The following DSE variants were observed in gnomAD, a reference collection of about 807,000 sequenced individuals.
DSE encodes dermatan sulfate epimerase.
Under a neutral mutation model 84.4 loss-of-function variants are expected in DSE, and 36 were observed. The observed-to-expected ratio is 0.43, with a 90% CI of 0.33 to 0.56. The LOEUF (loss-of-function observed/expected upper bound fraction) is 0.56. DSE is among the 20% of genes least tolerant of loss of function. The pLI, the probability that DSE is intolerant of heterozygous loss-of-function variation, is 0.06. For missense variants in DSE, 862 were observed against 1,169.6 expected (o/e 0.74, Z 3.84); for synonymous variants, 410 against 430.1 (o/e 0.95, Z 0.58).
chr6:116,393,516 A>G (rs1195426687), intron 1 of DSE, among the ~76,000 whole-genome samples: 3 of 152,182 alleles, frequency 2.0e-5, no homozygotes, highest in Non-Finnish European at 4.4e-5. Context: ...CTTTTTATAA[A>G]TATTATTGAG....
chr6:116,431,344 C>G, intron 4 of DSE, 151 bp downstream of exon 4: 3 of 1,141,350 alleles, frequency 2.6e-6, no homozygotes, highest in Non-Finnish European at 3.6e-6. Flanking sequence ...AAATTGAATT[C>G]AAGAGTTGCA....
intron 2 of DSE, among the ~76,000 whole-genome samples, chr6:116,342,685 A>G (rs1382430810): frequency 6.6e-6 from 1 of 152,242 alleles, no homozygotes; most frequent in African/African-American, 2.4e-5. Context: ...ATATACATAC[A>G]GGAGAGGTTC....
chr6:116,359,667 T>A (rs1028503500), intron 2 of DSE, among the ~76,000 whole-genome samples: 5 of 152,210 alleles, frequency 3.3e-5, no homozygotes, highest in African/African-American at 9.6e-5. Flanking sequence ...AAAACTGTAA[T>A]ACAGATCATT....
rs993836297 is a variant in DSE, at chr6:116,439,592, G to A, written c.*2247G>A. The A allele has an allele frequency of 2.0e-5, 3 of 151,780 alleles. No individual in the cohort carries two copies. Among genetic ancestry groups the A allele is most frequent in the Non-Finnish European group, 4.4e-5 (3 of 67,958 alleles). The allele number at this position is 151,780 out of a possible 1,614,324, so 9.4% of individuals were successfully genotyped here. On this transcript the variant is annotated 3_prime_UTR_variant, in exon 6 of 6. Transcript: ENST00000644252. ...TTAATCAGGGATAGTGCATATTTGA[G>A]TAAAACTAGGGAACTTTTTGTAACT...
At chr6:116,349,599 C>G (rs144345709) in intron 2 of DSE, among the ~76,000 whole-genome samples, 47 of 152,326 alleles carry the variant, frequency 3.1e-4, no homozygotes, top group Middle Eastern at 3.4e-3. Flanking sequence ...CCTCAGAGAT[C>G]AGCACTTTTA....
intron 2 of DSE, among the ~76,000 whole-genome samples, chr6:116,346,049 C>A (rs1777942922): frequency 6.6e-6 from 1 of 152,164 alleles, no homozygotes; most frequent in African/African-American, 2.4e-5. Flanking sequence ...GACACATACA[C>A]CCTCCCAAGA....
chr6:116,263,366 CTT>C (rs200486501), intron 2 of DSE, among the ~76,000 whole-genome samples: 29 of 147,742 alleles, frequency 2.0e-4, no homozygotes, highest in East Asian at 9.8e-4. Context: ...CCTTCTTTGT[CTT>C]TTTTTTTTTT....
chr6:116,353,972 A>T (rs1210876958), intron 2 of DSE, among the ~76,000 whole-genome samples: 3 of 152,244 alleles, frequency 2.0e-5, no homozygotes, highest in Non-Finnish European at 4.4e-5. Context: ...CAGTCTTCAG[A>T]TACTGAATTA....
Position 116,440,059 on chromosome 6 carries a change from C to G in DSE, c.*2714C>G, listed in dbSNP as rs916827135. On this transcript the variant is annotated 3_prime_UTR_variant, in exon 6 of 6. Coordinates refer to ENST00000644252, the MANE Select transcript of DSE (RefSeq NM_013352.4). ...ACCCAGAATTTTCAGAGAGAACATT[C>G]TTTTGACAACATTGTTTTAATCGTC... 2.6e-5 allele frequency: 4 copies of G among 151,648 alleles called. No individual in the cohort carries two copies. Among genetic ancestry groups the G allele is most frequent in the African/African-American group, 9.7e-5 (4 of 41,226 alleles). The allele number at this position is 151,648 out of a possible 1,614,324, so 9.4% of individuals were successfully genotyped here. A position where few individuals can be genotyped will look rare whatever the true frequency, so the allele number is the denominator to read the frequency against.
In DSE at chr6:116,399,244, T is replaced by A; in HGVS notation, c.-7T>A. The A allele has an allele frequency of 6.2e-7, 1 of 1,613,644 alleles. No individual in the cohort carries two copies. Among genetic ancestry groups the A allele is most frequent in the Non-Finnish European group, 8.5e-7 (1 of 1,180,032 alleles). ...CTGCCTTGGAGATTTGGAGATCTGA[T>A]GCCACGATGAGGACTCACACACGGG... On this transcript the variant is annotated 5_prime_UTR_variant, in exon 2 of 6. The change abolishes an upstream ATG in the 5' untranslated region. Coordinates refer to ENST00000644252, the MANE Select transcript of DSE (RefSeq NM_013352.4).
chr6:116,296,945 T>A (rs547690895), intron 2 of DSE, among the ~76,000 whole-genome samples: 1 of 152,018 alleles, frequency 6.6e-6, no homozygotes, highest in Non-Finnish European at 1.5e-5. Context: ...TTGTGGGGAT[T>A]GGGTAGGGAG....
At chr6:116,383,068 C>T (rs1780342257) in intron 1 of DSE, among the ~76,000 whole-genome samples, 1 of 152,032 alleles carries the variant, frequency 6.6e-6, no homozygotes, top group Non-Finnish European at 1.5e-5. Context: ...CATGGGAGAG[C>T]ACAACTGGAG....
intron 2 of DSE, chr6:116,288,005 C>T (rs977476542): frequency 6.6e-6 from 1 of 152,046 alleles, no homozygotes; most frequent in African/African-American, 2.4e-5. Context: ...TCCCACTAAG[C>T]TGTAATTGTT....
At chr6:116,311,584 G>C (rs907246004) in intron 2 of DSE, among the ~76,000 whole-genome samples, 8 of 152,124 alleles carry the variant, frequency 5.3e-5, no homozygotes, top group Non-Finnish European at 2.9e-5. Flanking sequence ...AGAATAAAAT[G>C]CACCAATAAA....
At chr6:116,344,055 A>T (rs1395151126) in intron 2 of DSE, among the ~76,000 whole-genome samples, 1 of 152,200 alleles carries the variant, frequency 6.6e-6, no homozygotes, top group Non-Finnish European at 1.5e-5. Flanking sequence ...AGATCAAATG[A>T]ATTAAATGAA....
At position 116,316,778 on chromosome 6, in the gene DSE, G is replaced by C. The variant is rs192649052; in HGVS notation, c.-54+57811G>C. Among the ~76,000 whole-genome samples the C allele has an allele frequency of 2.8e-4, 42 of 151,334 alleles. 1 individual carries two copies. The East Asian group carries it at 7.8e-3, about 28-fold the overall frequency. The stretch of plus-strand genomic sequence containing the variant: ...AACAAATGCCTTGGAAATTGATTAA[G>C]CTTCTTCTTCTTTTTGCTTATTTCT... On this transcript the variant is annotated intron_variant, in intron 2 of 3. Transcript: ENST00000430252.
chr6:116,274,152 C>T (rs2114620110), intron 2 of DSE, among the ~76,000 whole-genome samples: 1 of 152,118 alleles, frequency 6.6e-6, no homozygotes, highest in Non-Finnish European at 1.5e-5. Context: ...AGTACGCGTT[C>T]ATTGAACTGA....
intron 2 of DSE, among the ~76,000 whole-genome samples, chr6:116,413,360 A>C (rs187573037): frequency 8.1e-4 from 123 of 152,338 alleles, no homozygotes; most frequent in African/African-American, 2.9e-3. Flanking sequence ...GATAAATACA[A>C]AATTTTTTCC....
At chr6:116,277,609 A>T (rs1451544028) in intron 2 of DSE, 1 of 152,228 alleles carries the variant, frequency 6.6e-6, no homozygotes, top group Non-Finnish European at 1.5e-5. Context: ...AAAATGAAAT[A>T]AAAACCTTGC....
Sources: allele counts gnomAD v4.1 joint callset (sites outside exome capture counted in the v4.1 genomes callset), GRCh38; gene constraint gnomAD v4.1.1; transcripts MANE v1.5; gene names NCBI Gene and HGNC (gene_info 2026-07-23, HGNC 2026-07-21).